The following TCF7L1 variants were observed in gnomAD, a reference collection of about 807,000 sequenced individuals.
The protein encoded by TCF7L1 is transcription factor 7 like 1.
A neutral mutation model predicts 63.7 loss-of-function variants in TCF7L1; 18 were observed. The ratio of observed to expected loss-of-function variants is 0.28; its 90% CI spans 0.20 to 0.42. The LOEUF is 0.42. Among genes scored for constraint, TCF7L1 ranks in the 10% least tolerant of loss-of-function variants. TCF7L1 has a pLI of 1.00. For synonymous variants in TCF7L1, 355 were observed against 340.9 expected (o/e 1.04, Z -0.46); for missense variants, 654 against 779.3 (o/e 0.84, Z 1.91).
chr2:85,145,687 G>A (rs573855216), intron 3 of TCF7L1, among the ~76,000 whole-genome samples: 2 of 152,352 alleles, frequency 1.3e-5, no homozygotes, highest in Admixed American at 1.3e-4. Context: ...CACAAGCTCA[G>A]GGCAGTTGTT....
intron 4 of TCF7L1, among the ~76,000 whole-genome samples, chr2:85,288,278 G>T (rs930417943): frequency 6.6e-6 from 1 of 152,136 alleles, no homozygotes; most frequent in African/African-American, 2.4e-5. Context: ...TCTGGGGTGC[G>T]GCTGGTATCT....
At chr2:85,236,947 A>T (rs369606763) in intron 3 of TCF7L1, among the ~76,000 whole-genome samples, 1 of 152,310 alleles carries the variant, frequency 6.6e-6, no homozygotes, top group East Asian at 1.9e-4. Context: ...TGCATCCCTC[A>T]GACCCCAGGT....
chr2:85,164,199 C>T (rs954514493), intron 3 of TCF7L1, among the ~76,000 whole-genome samples: 2 of 152,124 alleles, frequency 1.3e-5, no homozygotes, highest in African/African-American at 4.8e-5. Flanking sequence ...GCGTTCAGCA[C>T]GAACCTGCCC....
At position 85,286,377 on chromosome 2, in the gene TCF7L1, A is replaced by G. The variant is rs1188980049; in HGVS notation, c.525+2799A>G. ...GACTCAAAAAACAAACAAACAAAAA[A>G]AAAAACTAACATATAGTGGCCAGGT... On this transcript the variant is annotated intron_variant, in intron 4 of 11. Transcript: ENST00000282111. 2.0e-5 allele frequency among the ~76,000 whole-genome samples: 3 copies of G among 152,000 alleles called. No homozygotes were observed. In the South Asian group the frequency reaches 6.2e-4, roughly 32 times the overall value.
At chr2:85,139,961 G>C (rs897647703) in intron 3 of TCF7L1, among the ~76,000 whole-genome samples, 1 of 152,170 alleles carries the variant, frequency 6.6e-6, no homozygotes, top group African/African-American at 2.4e-5. Context: ...GGAGGACGAG[G>C]ACCTGGAAGG....
intron 3 of TCF7L1, among the ~76,000 whole-genome samples, chr2:85,176,813 C>T (rs1678686805): frequency 1.3e-5 from 2 of 152,026 alleles, no homozygotes; most frequent in South Asian, 2.1e-4. Flanking sequence ...ATGGTGAAAC[C>T]TTGTCTCTAC....
chr2:85,271,899 T>A (rs920136970), intron 3 of TCF7L1, among the ~76,000 whole-genome samples: 4 of 152,198 alleles, frequency 2.6e-5, no homozygotes, highest in Admixed American at 2.0e-4. Context: ...AGAGATGAAC[T>A]GAGAACAGGA....
chr2:85,273,563 A>G (rs964652762), intron 3 of TCF7L1, among the ~76,000 whole-genome samples: 1 of 152,240 alleles, frequency 6.6e-6, no homozygotes, highest in Non-Finnish European at 1.5e-5. Flanking sequence ...GGTTGCTGTT[A>G]GCAGTGTCAA....
Position 85,306,054 on chromosome 2 carries a change from A to G in TCF7L1, c.990-152A>G, listed in dbSNP as rs889398965. 14 of 767,646 alleles carry G rather than the reference A, an allele frequency of 1.8e-5. No individual in the cohort carries two copies. The highest frequency in any genetic ancestry group is 2.5e-5 in the Non-Finnish European group (12 of 472,700). The allele number at this position is 767,646 out of a possible 1,614,324, so 47.6% of individuals were successfully genotyped here. On this transcript the variant is annotated intron_variant, in intron 8 of 11. Transcript: ENST00000282111. This position sits in a 1 kb window ranked among gnomAD's most constrained non-coding sequence, Gnocchi z 4.3. The stretch of plus-strand genomic sequence containing the variant: ...GGGAAACTACGGGAGGAAGGTACTC[A>G]GGTGTTGAGTGCAGCCATGGGGCCA...
In TCF7L1 at chr2:85,309,384, C is replaced by T. The variant is rs374034638; in HGVS notation, c.1689C>T (p.Pro563=). ...TALLASPPSF[P]ATLHAHQALP... ...TGCTGGCCTCTCCCCCGTCCTTCCC[C>T]GCCACGCTCCATGCCCACCAGGCCC... Residue 563 remains proline, a synonymous_variant, in exon 12 of 12, where the codon CCC becomes CCT. Transcript: ENST00000282111. 1.1e-4 allele frequency: 179 copies of T among 1,600,838 alleles called. 3 individuals carry two copies. The highest frequency in any genetic ancestry group is 7.4e-4 in the East Asian group (33 of 44,800).
At chr2:85,190,805 G>A (rs549717527) in intron 3 of TCF7L1, among the ~76,000 whole-genome samples, 40 of 152,262 alleles carry the variant, frequency 2.6e-4, no homozygotes, top group African/African-American at 8.9e-4. Context: ...ATACACCCAC[G>A]TATGAGTGGT....
chr2:85,234,291 A>G (rs867380810), intron 3 of TCF7L1, among the ~76,000 whole-genome samples: 1 of 151,186 alleles, frequency 6.6e-6, no homozygotes, highest in South Asian at 2.1e-4. Context: ...ACCTGCCAAC[A>G]CGCTCAGCTA....
Position 85,306,293 on chromosome 2 carries a change from G to C in TCF7L1, c.1077G>C (p.Glu359Asp). Residue 359 changes from glutamate to aspartate, a missense_variant, in exon 9 of 12, where the codon GAG (glutamate) becomes GAC (aspartate). Coordinates refer to ENST00000282111, the MANE Select transcript of TCF7L1 (RefSeq NM_031283.3). The surrounding 1 kb of genome is among the most constrained non-coding windows in gnomAD (Gnocchi z 4.3). ...ATGCCTTCATGTTGTATATGAAGGA[G>C]ATGAGGGCCAAGGTGGTGGCTGAGT... is the stretch of plus-strand genomic sequence containing the variant. The part of the protein sequence containing the change: ...PLNAFMLYMK[E>D]MRAKVVAECT... 1 of 1,614,202 alleles carries C rather than the reference G, an allele frequency of 6.2e-7. No individual in the cohort carries two copies. The highest frequency in any genetic ancestry group is 8.5e-7 in the Non-Finnish European group (1 of 1,180,038).
chr2:85,187,238 A>G (rs1678947278), intron 3 of TCF7L1: 2 of 152,178 alleles, frequency 1.3e-5, no homozygotes, highest in Non-Finnish European at 2.9e-5. Context: ...ATTCACCCCA[A>G]GATTCAAAGC....
intron 7 of TCF7L1, 108 bp from the exon 8 acceptor site, chr2:85,305,152 C>A: frequency 1.4e-6 from 2 of 1,459,898 alleles, no homozygotes; most frequent in Non-Finnish European, 1.9e-6. Context: ...GACTCTGCCC[C>A]ACGGACATGC....
chr2:85,136,990 A>C (rs1488685717), intron 3 of TCF7L1, among the ~76,000 whole-genome samples: 2 of 152,062 alleles, frequency 1.3e-5, no homozygotes, highest in African/African-American at 4.8e-5. Context: ...GGGAGGAGGG[A>C]GGAAAGTGCC....
intron 3 of TCF7L1, among the ~76,000 whole-genome samples, chr2:85,282,759 G>C (rs1681446537): frequency 6.6e-6 from 1 of 151,052 alleles, no homozygotes; most frequent in African/African-American, 2.4e-5. Context: ...CTAGGCTCTT[G>C]GCAAGGACTG....
chr2:85,254,955 CAG>C (rs757007730), intron 3 of TCF7L1, among the ~76,000 whole-genome samples: 3 of 152,208 alleles, frequency 2.0e-5, no homozygotes, highest in Non-Finnish European at 4.4e-5. Flanking sequence ...AGGACTCAAA[CAG>C]AGCTGTCCGC....
chr2:85,225,319 C>T (rs931139826), intron 3 of TCF7L1, among the ~76,000 whole-genome samples: 14 of 152,156 alleles, frequency 9.2e-5, no homozygotes, highest in African/African-American at 3.4e-4. Flanking sequence ...TGAAGAAAGT[C>T]AGTGGTAGCT....
Sources: gnomAD v4.1 joint callset for allele counts (sites outside exome capture counted in the v4.1 genomes callset) on GRCh38, gnomAD v4.1.1 for gene constraint, Gnocchi (gnomAD v3.1) non-coding constraint, MANE v1.5 for transcripts, NCBI Gene and HGNC (gene_info 2026-07-23, HGNC 2026-07-21) for gene names.